Variants in CTNND2 observed in about 807,000 individuals in gnomAD.
The protein encoded by CTNND2 is catenin delta 2, also known as catenin delta-2.
In CTNND2, 22 loss-of-function variants were observed where a neutral mutation model predicts 144.4. That is an observed-to-expected ratio of 0.15 (90% confidence interval 0.11 to 0.22). CTNND2 has a LOEUF of 0.22. Among genes scored for constraint, CTNND2 ranks in the 10% least tolerant of loss-of-function variants. CTNND2 has a pLI of 1.00. For missense variants in CTNND2, 1,353 were observed against 1,618.8 expected, an observed-to-expected ratio of 0.84 and a Z score of 2.82; for synonymous variants, 751 against 695.6, an observed-to-expected ratio of 1.08 and a Z score of -1.25.
At chr5:11,472,003 T>C (rs1219754281) in intron 3 of CTNND2, among the ~76,000 whole-genome samples, 2 of 152,244 alleles carry the variant, frequency 1.3e-5, no homozygotes, top group African/African-American at 2.4e-5. Flanking sequence ...CAGCCTTTAT[T>C]TTCAGAAGCG....
Position 11,202,826 on chromosome 5 carries a change from T to C in CTNND2, c.1762-3165A>G, listed in dbSNP as rs149437485. On this transcript the variant is annotated intron_variant, in intron 10 of 21. Transcript: ENST00000304623. ...TTTTTCTTTTTCTTTTTTTCTGAGA[T>C]GGAGTTTCGCTCTGGTTGCCCAGGC... is the stretch of plus-strand genomic sequence containing the variant. Among the ~76,000 whole-genome samples, 483 of 152,238 alleles carry C rather than the reference T, an allele frequency of 3.2e-3. 2 individuals are homozygous for C. The highest frequency in any genetic ancestry group is 0.011 in the African/African-American group (457 of 41,536).
chr5:11,178,543 T>C (rs1387138016), intron 11 of CTNND2, among the ~76,000 whole-genome samples: 1 of 152,164 alleles, frequency 6.6e-6, no homozygotes, highest in African/African-American at 2.4e-5. Context: ...AAACCTGTGA[T>C]ATGAGTCCTG....
chr5:11,694,009 C>A (rs183614443), intron 2 of CTNND2, among the ~76,000 whole-genome samples: 238 of 152,276 alleles, frequency 1.6e-3, no homozygotes, highest in African/African-American at 5.0e-3. Flanking sequence ...GTAACTCATG[C>A]AGAAACAAAG....
intron 11 of CTNND2, among the ~76,000 whole-genome samples, chr5:11,173,124 T>C (rs185533741): frequency 1.2e-4 from 18 of 152,372 alleles, no homozygotes; most frequent in Admixed American, 4.6e-4. Context: ...CACATTGTCA[T>C]AAAAAATGTC....
chr5:11,622,823 C>T (rs946116204), intron 2 of CTNND2, among the ~76,000 whole-genome samples: 4 of 152,102 alleles, frequency 2.6e-5, no homozygotes, highest in African/African-American at 7.2e-5. Context: ...AAAGCAAACA[C>T]GCAAGTAAAA....
At chr5:11,820,379 C>A (rs1166417784) in intron 1 of CTNND2, among the ~76,000 whole-genome samples, 2 of 152,104 alleles carry the variant, frequency 1.3e-5, no homozygotes, top group African/African-American at 2.4e-5. Context: ...AAGAATGGTG[C>A]CGGGGAACAC....
At chr5:11,263,642 T>G (rs1326762611) in intron 9 of CTNND2, among the ~76,000 whole-genome samples, 1 of 152,158 alleles carries the variant, frequency 6.6e-6, no homozygotes, top group Non-Finnish European at 1.5e-5. Context: ...GGTGGCACCA[T>G]GAACCACTTG....
chr5:11,749,317 A>T (rs4472261), intron 1 of CTNND2, among the ~76,000 whole-genome samples: 19 of 152,190 alleles, frequency 1.2e-4, no homozygotes, highest in African/African-American at 4.6e-4. Context: ...TTATGCAGCA[A>T]CAGATAACTA....
intron 2 of CTNND2, among the ~76,000 whole-genome samples, chr5:11,717,748 T>C (rs956622525): frequency 6.6e-5 from 10 of 152,028 alleles, no homozygotes; most frequent in Non-Finnish European, 8.8e-5. Context: ...GCAGGGGAAT[T>C]CCCATTTTTA....
At chr5:11,765,487 C>T (rs899079807) in intron 1 of CTNND2, among the ~76,000 whole-genome samples, 6 of 152,210 alleles carry the variant, frequency 3.9e-5, no homozygotes, top group Admixed American at 6.5e-5. Flanking sequence ...CCAGGCCAGA[C>T]AAGGTCTGTG....
chr5:11,855,353 A>G (rs1424467498), intron 1 of CTNND2, among the ~76,000 whole-genome samples: 2 of 152,198 alleles, frequency 1.3e-5, no homozygotes, highest in Admixed American at 1.3e-4. Context: ...ACCTCACCTC[A>G]CTGGAAAAAC....
At chr5:11,619,551 G>A (rs1780737946) in intron 2 of CTNND2, among the ~76,000 whole-genome samples, 1 of 152,102 alleles carries the variant, frequency 6.6e-6, no homozygotes, top group South Asian at 2.1e-4. Flanking sequence ...TAAATCCTAT[G>A]TACAGGAGTC....
At chr5:11,037,716 C>T (rs750915488) in intron 16 of CTNND2, among the ~76,000 whole-genome samples, 1 of 152,154 alleles carries the variant, frequency 6.6e-6, no homozygotes, top group African/African-American at 2.4e-5. Flanking sequence ...ACAGGTTATG[C>T]TTATAAAGAC....
At chr5:11,258,284 C>A (rs1055715322) in intron 9 of CTNND2, among the ~76,000 whole-genome samples, 3 of 152,190 alleles carry the variant, frequency 2.0e-5, no homozygotes, top group African/African-American at 7.2e-5. Context: ...GAGAGCTGAC[C>A]AGGCCCAAAG....
chr5:11,628,433 A>G (rs1157650598), intron 2 of CTNND2, among the ~76,000 whole-genome samples: 1 of 152,202 alleles, frequency 6.6e-6, no homozygotes, highest in African/African-American at 2.4e-5. Flanking sequence ...CATGTAAAAG[A>G]TGAGGCAATT....
chr5:11,023,220 C>T (rs1413055345), intron 16 of CTNND2, among the ~76,000 whole-genome samples: 1 of 152,144 alleles, frequency 6.6e-6, no homozygotes, highest in African/African-American at 2.4e-5. Flanking sequence ...AATCACTGGC[C>T]AAGTTATTTC....
intron 3 of CTNND2, among the ~76,000 whole-genome samples, chr5:11,440,727 A>G (rs1221023604): frequency 6.6e-6 from 1 of 152,214 alleles, no homozygotes; most frequent in Non-Finnish European, 1.5e-5. Context: ...ATATATTTGT[A>G]CATAGTTATG....
intron 3 of CTNND2, among the ~76,000 whole-genome samples, chr5:11,557,850 T>C (rs544712934): frequency 1.3e-5 from 2 of 152,274 alleles, no homozygotes; most frequent in Non-Finnish European, 2.9e-5. Context: ...CTTGGAACCA[T>C]GCTGGGAATG....
intron 5 of CTNND2, among the ~76,000 whole-genome samples, chr5:11,405,234 G>C (rs1471184757): frequency 6.6e-6 from 1 of 152,198 alleles, no homozygotes; most frequent in Non-Finnish European, 1.5e-5. Context: ...AAGTGGGAAT[G>C]ATGTCTTTAA....
Sources: gnomAD v4.1 joint callset for allele counts (sites outside exome capture counted in the v4.1 genomes callset) on GRCh38, gnomAD v4.1.1 for gene constraint, MANE v1.5 for transcripts, NCBI Gene and HGNC (gene_info 2026-07-23, HGNC 2026-07-21) for gene names.